Variants in GRIP2 observed in about 807,000 individuals in gnomAD.
GRIP2 encodes glutamate receptor-interacting protein 2.
In GRIP2, 58 loss-of-function variants were observed where a neutral mutation model predicts 108.3. The ratio of observed to expected loss-of-function variants is 0.54; its 90% CI spans 0.43 to 0.67. The LOEUF is 0.67. Ranked by LOEUF, GRIP2 falls within the 30% of genes least tolerant of loss-of-function variation. The probability of loss-of-function intolerance (pLI) is 0.00; values close to 1 mark genes in which losing one functional copy is unlikely to be tolerated. For missense variants in GRIP2, 1,278 were observed against 1,430.6 expected, an observed-to-expected ratio of 0.89 and a Z score of 1.72; for synonymous variants, 586 against 598.2, an observed-to-expected ratio of 0.98 and a Z score of 0.30.
the GRIP2 span, chr3:14,574,621 G>A: frequency 1.5e-6 from 1 of 673,254 alleles, no homozygotes; most frequent in Non-Finnish European, 2.8e-6. Flanking sequence ...ATACCTTCCT[G>A]GGCAAAGAAG....
chr3:14,532,728 G>A (rs781282165), intron 1 of GRIP2, among the ~76,000 whole-genome samples: 3 of 152,052 alleles, frequency 2.0e-5, no homozygotes, highest in Admixed American at 6.5e-5. Flanking sequence ...GGCTCAGACT[G>A]ACTTAAGGGC....
At position 14,498,514 on chromosome 3, in the gene GRIP2, A is replaced by G. The variant is rs557087097; in HGVS notation, c.2680-1954T>C. Among the ~76,000 whole-genome samples the G allele has an allele frequency of 3.9e-5, 6 of 152,204 alleles. No homozygotes were observed. The East Asian group carries it at 1.2e-3, about 29-fold the overall frequency. On this transcript the variant is annotated intron_variant, in intron 21 of 23. Coordinates refer to ENST00000621039, the MANE Select transcript of GRIP2 (RefSeq NM_001080423.4). ...AAACTGTTGGGTTGGAGTGGGGGGG[A>G]AGATAGGAAACCGAGGGAGGATATT... is the stretch of plus-strand genomic sequence containing the variant.
the GRIP2 span, among the ~76,000 whole-genome samples, chr3:14,581,716 C>T: frequency 1.3e-5 from 2 of 152,232 alleles, no homozygotes; most frequent in Non-Finnish European, 2.9e-5. Context: ...CTGATGTTGT[C>T]CCTTGAGCCC....
chr3:14,546,121 G>A (rs1047850035), upstream of GRIP2, among the ~76,000 whole-genome samples: 13 of 152,138 alleles, frequency 8.5e-5, no homozygotes, highest in African/African-American at 2.7e-4. Flanking sequence ...TTCACACCCC[G>A]TAGGGACCTG....
the GRIP2 span, among the ~76,000 whole-genome samples, chr3:14,586,289 G>A: frequency 2.2e-3 from 337 of 152,234 alleles, 1 homozygote; most frequent in Middle Eastern, 0.024. Context: ...TATTTGTCCC[G>A]TTTCTGGTCC....
chr3:14,558,127 G>T (rs948723710), upstream of GRIP2, among the ~76,000 whole-genome samples: 1 of 152,204 alleles, frequency 6.6e-6, no homozygotes. Flanking sequence ...TCCTCAGAGC[G>T]CATGAGGGTG....
upstream of GRIP2, among the ~76,000 whole-genome samples, chr3:14,559,439 CAA>C (rs56183499): frequency 4.2e-3 from 515 of 121,758 alleles, 5 homozygotes; most frequent in African/African-American, 0.017. Context: ...AAGAATTTAT[CAA>C]AAAAAAAAAA....
At chr3:14,575,492 G>A in the GRIP2 span, among the ~76,000 whole-genome samples, 2 of 152,218 alleles carry the variant, frequency 1.3e-5, no homozygotes, top group African/African-American at 4.8e-5. Context: ...TGGGGGCCCA[G>A]CAAGCCCCCA....
At position 14,511,942 on chromosome 3, in the gene GRIP2, T is replaced by G. The variant is rs1694108774; in HGVS notation, c.1721-463A>C. Among the ~76,000 whole-genome samples, 1 of 152,188 alleles carries G rather than the reference T, an allele frequency of 6.6e-6. No individual in the cohort carries two copies. The highest frequency in any genetic ancestry group is 2.4e-5 in the African/African-American group (1 of 41,430). ...AGACAGCAATCTCTCCCTGCCCTCC[T>G]GGAGCTGGCACTCCAGTGGTGGTCA... On this transcript the variant is annotated intron_variant, in intron 14 of 23. Transcript: ENST00000621039. The surrounding 1 kb of genome is among the most constrained non-coding windows in gnomAD (Gnocchi z 4.1).
chr3:14,592,480 G>A, the GRIP2 span, among the ~76,000 whole-genome samples: 2 of 152,166 alleles, frequency 1.3e-5, no homozygotes, highest in Admixed American at 1.3e-4. Context: ...TTAAACAGTC[G>A]ACCCCACACA....
rs1346730900 is a variant in GRIP2, at chr3:14,531,487, A to G, written c.41-5556T>C. 1.1e-4 allele frequency among the ~76,000 whole-genome samples: 17 copies of G among 152,198 alleles called. 1 individual carries two copies. The highest frequency in any genetic ancestry group is 1.1e-3 in the Admixed American group (17 of 15,282). ...TTTTGCGGGGCTCTGCCTGAGTTAAAGGCAGGGTTCAGCCTGATGGGGCAT... is the reference window on the plus strand; with the variant it reads ...TTTTGCGGGGCTCTGCCTGAGTTAAGGGCAGGGTTCAGCCTGATGGGGCAT... On this transcript the variant is annotated intron_variant, in intron 1 of 23. Coordinates refer to ENST00000621039, the MANE Select transcript of GRIP2 (RefSeq NM_001080423.4).
At chr3:14,506,579 C>G (rs1440549142) in intron 19 of GRIP2, among the ~76,000 whole-genome samples, 1 of 152,228 alleles carries the variant, frequency 6.6e-6, no homozygotes, top group Non-Finnish European at 1.5e-5. Flanking sequence ...ACCCATGGTT[C>G]TAAATCAAAA....
the GRIP2 span, among the ~76,000 whole-genome samples, chr3:14,575,430 G>A: frequency 6.6e-6 from 1 of 152,188 alleles, no homozygotes; most frequent in South Asian, 2.1e-4. Context: ...CAAATGGGTG[G>A]ATCCCACCTC....
At chr3:14,526,385 G>T (rs1694554661) in intron 1 of GRIP2, among the ~76,000 whole-genome samples, 1 of 152,168 alleles carries the variant, frequency 6.6e-6, no homozygotes, top group African/African-American at 2.4e-5. Flanking sequence ...CTGGGAGGGG[G>T]AGCTCTCTCA....
the GRIP2 span, among the ~76,000 whole-genome samples, chr3:14,595,334 T>C: frequency 2.6e-5 from 4 of 152,112 alleles, no homozygotes; most frequent in African/African-American, 4.8e-5. Context: ...GCTGTTATTA[T>C]TGTCATTGTT....
chr3:14,525,507 TAGTC>T lies in GRIP2; in HGVS notation c.183_186del (p.Thr62SerfsTer16), dbSNP rs1559345743. 1.2e-6 allele frequency: 2 copies of T among 1,613,680 alleles called. No individual in the cohort carries two copies. The highest frequency in any genetic ancestry group is 1.7e-6 in the Non-Finnish European group (2 of 1,179,802). ...CCATCCTTGTCGGTGCCACCTGAGA[TAGTC>T]AGGCCCAGCGTGCTGCCTTCTTTCT... On this transcript the variant is annotated frameshift_variant, in exon 3 of 24. Coordinates refer to ENST00000621039, the MANE Select transcript of GRIP2 (RefSeq NM_001080423.4). LOFTEE classifies it high-confidence loss of function.
the GRIP2 span, among the ~76,000 whole-genome samples, chr3:14,591,864 G>C: frequency 6.6e-6 from 1 of 152,202 alleles, no homozygotes; most frequent in Non-Finnish European, 1.5e-5. Context: ...GAAAAGTAGA[G>C]AAGAGATGTA....
chr3:14,497,931 T>C (rs1214320643), intron 21 of GRIP2, among the ~76,000 whole-genome samples: 1 of 152,122 alleles, frequency 6.6e-6, no homozygotes, highest in Non-Finnish European at 1.5e-5. Flanking sequence ...ACACTCAGGC[T>C]GGGAAATCCA....
chr3:14,592,773 A>G, the GRIP2 span, among the ~76,000 whole-genome samples: 2 of 151,774 alleles, frequency 1.3e-5, no homozygotes, highest in Non-Finnish European at 2.9e-5. Flanking sequence ...GTCTTGCTTG[A>G]CCCTGTTCTT....
Sources: gnomAD v4.1 joint callset for allele counts (sites outside exome capture counted in the v4.1 genomes callset) on GRCh38, gnomAD v4.1.1 for gene constraint, Gnocchi (gnomAD v3.1) non-coding constraint, MANE v1.5 for transcripts, NCBI Gene and HGNC (gene_info 2026-07-23, HGNC 2026-07-21) for gene names.